ATR: variants seen among roughly 807,000 people sequenced by gnomAD.
The protein encoded by ATR is serine/threonine-protein kinase ATR.
A neutral mutation model predicts 305.3 loss-of-function variants in ATR; 142 were observed. The observed-to-expected ratio is 0.47, with a 90% CI of 0.41 to 0.53. The LOEUF is 0.53. Ranked by LOEUF, ATR falls within the 20% of genes least tolerant of loss-of-function variation. The pLI is 0.00. For synonymous variants in ATR, 1,050 were observed against 1,068.1 expected (o/e 0.98, Z 0.33); for missense variants, 2,135 against 3,133.1 (o/e 0.68, Z 7.60).
chr3:142,490,693 G>T (rs1019036642), intron 35 of ATR, among the ~76,000 whole-genome samples: 1 of 152,004 alleles, frequency 6.6e-6, no homozygotes, highest in Non-Finnish European at 1.5e-5. Context: ...ATCATATGAG[G>T]CAGAGGTTGA....
At chr3:142,475,098 T>G (rs546659294) in intron 36 of ATR, among the ~76,000 whole-genome samples, 15 of 152,314 alleles carry the variant, frequency 9.8e-5, no homozygotes, top group African/African-American at 3.6e-4. Flanking sequence ...ATGTTTTATA[T>G]ATATATGTTT....
chr3:142,538,643 T>G lies in ATR; in HGVS notation c.3582-18A>C. Reference sequence around the variant, plus strand: ...CCCAAGCTCTATGTGAAAAAACAAATAGAAATGAAGTCCAATTACTTTTAT... The same window carrying G: ...CCCAAGCTCTATGTGAAAAAACAAAGAGAAATGAAGTCCAATTACTTTTAT... On this transcript the variant is annotated intron_variant, in intron 18 of 46. Coordinates refer to ENST00000350721, the MANE Select transcript of ATR (RefSeq NM_001184.4). 6.2e-7 allele frequency: 1 copy of G among 1,612,994 alleles called. No homozygotes were observed. Among genetic ancestry groups the G allele is most frequent in the Non-Finnish European group, 8.5e-7 (1 of 1,179,360 alleles).
intron 1 of ATR, among the ~76,000 whole-genome samples, chr3:142,572,972 G>A (rs535952950): frequency 1.9e-4 from 29 of 152,276 alleles, no homozygotes; most frequent in African/African-American, 5.3e-4. Context: ...AGCTCCTACA[G>A]GTGGCAGACT....
At chr3:142,461,430 T>C (rs570261459) in intron 42 of ATR, among the ~76,000 whole-genome samples, 1 of 152,266 alleles carries the variant, frequency 6.6e-6, no homozygotes, top group South Asian at 2.1e-4. Context: ...TGGACTCATG[T>C]TTATTTGTTT....
chr3:142,537,395 A>G (rs2033898971), intron 19 of ATR, among the ~76,000 whole-genome samples: 1 of 152,068 alleles, frequency 6.6e-6, no homozygotes, highest in South Asian at 2.1e-4. Context: ...GATTTTTCTT[A>G]TGATTATGAG....
chr3:142,518,913 T>A (rs1405866645), intron 24 of ATR, among the ~76,000 whole-genome samples: 1 of 152,180 alleles, frequency 6.6e-6, no homozygotes, highest in Non-Finnish European at 1.5e-5. Context: ...TTTTAAGAGA[T>A]TAAATACATT....
At chr3:142,532,112 C>T (rs938678571) in intron 21 of ATR, among the ~76,000 whole-genome samples, 1 of 152,168 alleles carries the variant, frequency 6.6e-6, no homozygotes, top group Non-Finnish European at 1.5e-5. Context: ...CTGTCCTGCA[C>T]CCACTGTCTG....
chr3:142,559,128 G>A, intron 7 of ATR, 123 bp downstream of exon 7: 5 of 1,070,660 alleles, frequency 4.7e-6, no homozygotes, highest in Non-Finnish European at 6.7e-6. Flanking sequence ...TAATAGAACT[G>A]AAATCAGGAA....
At chr3:142,521,636 G>A (rs2033152821) in intron 23 of ATR, among the ~76,000 whole-genome samples, 1 of 152,082 alleles carries the variant, frequency 6.6e-6, no homozygotes, top group South Asian at 2.1e-4. Context: ...ACCCCTCCTG[G>A]ATAACTCTGA....
Position 142,562,320 on chromosome 3 carries a change from T to C in ATR, c.1082A>G (p.Tyr361Cys). ...QYFLKFVPAG[Y>C]ESALQVRKVY... ...CTTCCTGACTTGTAAAGCAGATTCA[T>C]ACCCAGCTGGCACAAATTTAAGGAA... Residue 361 changes from tyrosine to cysteine, a missense_variant, in exon 4 of 47, where the codon TAT becomes TGT. Coordinates refer to ENST00000350721, the MANE Select transcript of ATR (RefSeq NM_001184.4). 1 of 1,614,114 alleles carries C rather than the reference T, an allele frequency of 6.2e-7. No homozygotes were observed. Among genetic ancestry groups the C allele is most frequent in the Middle Eastern group, 1.6e-4 (1 of 6,062 alleles).
Position 142,470,854 on chromosome 3 carries a change from G to A in ATR, c.6222-671C>T, listed in dbSNP as rs116916261. Among the ~76,000 whole-genome samples the A allele has an allele frequency of 3.2e-4, 48 of 152,208 alleles. No individual in the cohort carries two copies. The East Asian group carries it at 9.1e-3, about 29-fold the overall frequency. ...CTGTTTCTGGTAAAATTTGTGAAAAGTTAAAGTTCTCTCCTTCTTGAATTT... is the reference window on the plus strand; with the variant it reads ...CTGTTTCTGGTAAAATTTGTGAAAAATTAAAGTTCTCTCCTTCTTGAATTT... On this transcript the variant is annotated intron_variant, in intron 36 of 46. Coordinates refer to ENST00000350721, the MANE Select transcript of ATR (RefSeq NM_001184.4).
At chr3:142,523,593 T>A (rs951585789) in intron 22 of ATR, among the ~76,000 whole-genome samples, 2 of 152,172 alleles carry the variant, frequency 1.3e-5, no homozygotes, top group Admixed American at 6.5e-5. Flanking sequence ...ACATTTTTTT[T>A]AAAAGGTCAC....
rs1363487722 is a variant in ATR at position 142,531,502 on chromosome 3, G to A, written c.3945+3578C>T. ...TTCCCACCAATGAGTGAGAACATGC[G>A]GTGTTTCGTTTTTTGTCCTTGAAAT... On this transcript the variant is annotated intron_variant, in intron 21 of 46. Transcript: ENST00000350721. Among the ~76,000 whole-genome samples, 14 of 151,986 alleles carry A rather than the reference G, an allele frequency of 9.2e-5. No individual in the cohort carries two copies. The East Asian group carries it at 2.3e-3, about 25-fold the overall frequency.
chr3:142,543,739 G>A (rs2034153324), intron 16 of ATR, among the ~76,000 whole-genome samples: 1 of 151,570 alleles, frequency 6.6e-6, no homozygotes, highest in African/African-American at 2.4e-5. Flanking sequence ...GCACAATCAC[G>A]ACTCACTGCA....
rs557447644 is a variant in ATR at position 142,519,303 on chromosome 3, A to T, written c.4382+366T>A. On this transcript the variant is annotated intron_variant, in intron 24 of 46. Coordinates refer to ENST00000350721, the MANE Select transcript of ATR (RefSeq NM_001184.4). ...AAAAACTATATCAAAAATCACATTA[A>T]TTTTTTTTTTTTTTTCCAAACAAAG... Among the ~76,000 whole-genome samples, 6 of 144,730 alleles carry T rather than the reference A, an allele frequency of 4.1e-5. No homozygotes were observed. The South Asian group carries it at 1.3e-3, about 32-fold the overall frequency. The allele number at this position is 144,730 out of a possible 152,430, so 94.9% of individuals were successfully genotyped here.
At chr3:142,540,695 T>C (rs2108436922) in intron 18 of ATR, among the ~76,000 whole-genome samples, 1 of 152,286 alleles carries the variant, frequency 6.6e-6, no homozygotes, top group Admixed American at 6.5e-5. Flanking sequence ...GGTTCATTGA[T>C]AACTCTTCTA....
At chr3:142,527,351 T>A (rs2033438886) in intron 21 of ATR, among the ~76,000 whole-genome samples, 1 of 152,136 alleles carries the variant, frequency 6.6e-6, no homozygotes, top group Non-Finnish European at 1.5e-5. Flanking sequence ...CCTGGTGCTT[T>A]CCTATGGATG....
intron 35 of ATR, among the ~76,000 whole-genome samples, chr3:142,492,163 GT>G (rs2031319955): frequency 6.6e-6 from 1 of 152,114 alleles, no homozygotes; most frequent in African/African-American, 2.4e-5. Context: ...ATATAGAGTA[GT>G]TTTTAGCCTA....
chr3:142,452,024 T>C (rs2070803142), intron 46 of ATR: 1 of 1,028,396 alleles, frequency 9.7e-7, no homozygotes, highest in Non-Finnish European at 1.2e-6. Flanking sequence ...TTTCCACAAT[T>C]CTGGAAATAT....
Sources: gnomAD v4.1 joint callset for allele counts (sites outside exome capture counted in the v4.1 genomes callset) on GRCh38, gnomAD v4.1.1 for gene constraint, MANE v1.5 for transcripts, NCBI Gene and HGNC (gene_info 2026-07-23, HGNC 2026-07-21) for gene names.